The following FIRRM variants were observed in gnomAD, a reference collection of about 807,000 sequenced individuals.
FIRRM encodes the protein FIGNL1-interacting regulator of recombination and mitosis.
At chr1:169,790,484 C>T in the FIRRM span, among the ~76,000 whole-genome samples, 1 of 152,060 alleles carries the variant, frequency 6.6e-6, no homozygotes, top group Non-Finnish European at 1.5e-5. Flanking sequence ...CCATGCCTGG[C>T]CCCAAATTTA....
chr1:169,795,892 G>A, the FIRRM span: 1 of 985,370 alleles, frequency 1.0e-6, no homozygotes. Context: ...GATTTGAGGC[G>A]CTTAGCGCCT....
At chr1:169,801,388 T>G in the FIRRM span, among the ~76,000 whole-genome samples, 11 of 141,794 alleles carry the variant, frequency 7.8e-5, no homozygotes, top group Non-Finnish European at 7.5e-5. Flanking sequence ...GAGGTTGCAT[T>G]GAGTCAAGAT....
At chr1:169,823,025 G>A in the FIRRM span, among the ~76,000 whole-genome samples, 1 of 151,900 alleles carries the variant, frequency 6.6e-6, no homozygotes, top group East Asian at 2.0e-4. Context: ...GCCAAGGCAG[G>A]TGGATGACCT....
the FIRRM span, among the ~76,000 whole-genome samples, chr1:169,811,602 C>T: frequency 6.6e-6 from 1 of 152,024 alleles, no homozygotes; most frequent in South Asian, 2.1e-4. Context: ...CTGCAGTGAG[C>T]CATGATCAGG....
the FIRRM span, chr1:169,854,053 A>G: frequency 1.8e-6 from 1 of 567,530 alleles, no homozygotes; most frequent in African/African-American, 1.9e-5. Flanking sequence ...TTTTCAAATA[A>G]AAAGGTTACA....
the FIRRM span, among the ~76,000 whole-genome samples, chr1:169,811,684 G>C: frequency 6.9e-6 from 1 of 144,416 alleles, no homozygotes; most frequent in Non-Finnish European, 1.5e-5. Flanking sequence ...AATCTAAATA[G>C]ATAATAGACA....
At chr1:169,828,883 C>CT in the FIRRM span, among the ~76,000 whole-genome samples, 10,093 of 152,230 alleles carry the variant, frequency 0.066, 430 homozygotes, top group Non-Finnish European at 0.099. Context: ...TTTAAATCCT[C>CT]TAAGTTTCTT....
At chr1:169,798,179 G>T in the FIRRM span, among the ~76,000 whole-genome samples, 1 of 152,178 alleles carries the variant, frequency 6.6e-6, no homozygotes, top group Non-Finnish European at 1.5e-5. Flanking sequence ...TCCTTGAGAG[G>T]CTGGTATGGG....
At chr1:169,795,885 T>G in the FIRRM span, 69 of 985,376 alleles carry the variant, frequency 7.0e-5, no homozygotes, top group Non-Finnish European at 7.5e-5. Context: ...ACTGTTGGAT[T>G]TGAGGCGCTT....
At chr1:169,826,068 A>G in the FIRRM span, 1 of 285,160 alleles carries the variant, frequency 3.5e-6, no homozygotes, top group Non-Finnish European at 6.9e-6. Context: ...CCTATTTTAA[A>G]ACAACTTTTT....
chr1:169,812,896 C>G, the FIRRM span, among the ~76,000 whole-genome samples: 1 of 151,738 alleles, frequency 6.6e-6, no homozygotes, highest in African/African-American at 2.4e-5. Context: ...GAATTTTCAT[C>G]TACCCTATTT....
chr1:169,827,469 C>T, the FIRRM span, among the ~76,000 whole-genome samples: 1 of 152,066 alleles, frequency 6.6e-6, no homozygotes, highest in African/African-American at 2.4e-5. Context: ...GAAACGCCAT[C>T]TCTACTAAAA....
At chr1:169,784,756 T>C in the FIRRM span, 1 of 152,244 alleles carries the variant, frequency 6.6e-6, no homozygotes, top group East Asian at 1.9e-4. Context: ...CAGGGTCTTT[T>C]CTGTTCATCA....
chr1:169,838,305 G>A, the FIRRM span, among the ~76,000 whole-genome samples: 4 of 152,020 alleles, frequency 2.6e-5, no homozygotes, highest in African/African-American at 9.7e-5. Flanking sequence ...AGTTAAGAAT[G>A]GGTTAAATGT....
At chr1:169,846,802 A>C in the FIRRM span, among the ~76,000 whole-genome samples, 1 of 152,206 alleles carries the variant, frequency 6.6e-6, no homozygotes, top group Non-Finnish European at 1.5e-5. Flanking sequence ...TTCCGTGTTC[A>C]TTGGAATAGC....
chr1:169,799,439 G>C, the FIRRM span, among the ~76,000 whole-genome samples: 1 of 152,188 alleles, frequency 6.6e-6, no homozygotes, highest in Non-Finnish European at 1.5e-5. Context: ...AGTCAGAAGA[G>C]AGTTTAGACT....
At chr1:169,815,295 C>CA in the FIRRM span, among the ~76,000 whole-genome samples, 9,302 of 110,322 alleles carry the variant, frequency 0.084, 380 homozygotes, top group Non-Finnish European at 0.12. Flanking sequence ...GACTCTGTCT[C>CA]AAAAAAAAAA....
At chr1:169,823,302 G>T in the FIRRM span, 1 of 567,224 alleles carries the variant, frequency 1.8e-6, no homozygotes. Context: ...TTTTTTAAAA[G>T]GGGTCACATT....
chr1:169,798,285 T>TC, the FIRRM span, among the ~76,000 whole-genome samples: 1 of 151,904 alleles, frequency 6.6e-6, no homozygotes, highest in South Asian at 2.1e-4. Flanking sequence ...TCTCTTTTTT[T>TC]TTTTTTTTGA....
Sources: allele counts gnomAD v4.1 joint callset (sites outside exome capture counted in the v4.1 genomes callset), GRCh38; gene constraint gnomAD v4.1.1; transcripts MANE v1.5; gene names NCBI Gene and HGNC (gene_info 2026-07-23, HGNC 2026-07-21).